GINS3: variants seen among roughly 807,000 people sequenced by gnomAD.
GINS3 encodes GINS complex subunit 3, also known as DNA replication complex GINS protein PSF3.
In GINS3, 18 loss-of-function variants were observed where a neutral mutation model predicts 20.0. The ratio of observed to expected loss-of-function variants is 0.90; its 90% CI spans 0.62 to 1.33. The LOEUF (loss-of-function observed/expected upper bound fraction) is 1.33. Ranked by LOEUF, GINS3 falls within the 40% of genes most tolerant of loss-of-function variation. GINS3 has a pLI of 0.00. For missense variants in GINS3, 254 were observed against 273.6 expected (o/e 0.93, Z 0.51); for synonymous variants, 109 against 107.0 (o/e 1.02, Z -0.12).
chr16:58,396,465 C>T (rs1965861775), intron 1 of GINS3, among the ~76,000 whole-genome samples: 1 of 87,200 alleles, frequency 1.1e-5, no homozygotes, highest in Non-Finnish European at 2.3e-5. Flanking sequence ...GTAGGGGCGG[C>T]CGGGCAGAGG....
At chr16:58,402,898 C>A in intron 1 of GINS3, 200 bp from the exon 2 acceptor site, 1 of 578,734 alleles carries the variant, frequency 1.7e-6, no homozygotes, top group Non-Finnish European at 3.1e-6. Flanking sequence ...AATCCATTTT[C>A]TCTCTCCATT....
At chr16:58,397,027 C>CA (rs1366262078) in intron 1 of GINS3, among the ~76,000 whole-genome samples, 1 of 146,552 alleles carries the variant, frequency 6.8e-6, no homozygotes, top group Non-Finnish European at 1.5e-5. Context: ...CTGACCCCCC[C>CA]ACCTCCCTTC....
intron 1 of GINS3, among the ~76,000 whole-genome samples, chr16:58,396,081 C>CA (rs1965851721): frequency 7.5e-6 from 1 of 133,084 alleles, no homozygotes; most frequent in Admixed American, 7.3e-5. Flanking sequence ...GCTGGCCGGG[C>CA]GGGGGGCTGA....
At chr16:58,403,823 G>C (rs747980425) in intron 2 of GINS3, 17 of 161,528 alleles carry the variant, frequency 1.1e-4, no homozygotes, top group Non-Finnish European at 1.9e-4. Context: ...AAGGGTTCCT[G>C]TTGGAAATAC....
chr16:58,392,863 T>C, intron 1 of GINS3, 76 bp downstream of exon 1: 1 of 1,394,652 alleles, frequency 7.2e-7, no homozygotes, highest in Non-Finnish European at 9.6e-7. Context: ...GGACGCCGCA[T>C]CGGGGCGCGC....
chr16:58,398,270 G>A (rs117811546), intron 1 of GINS3, among the ~76,000 whole-genome samples: 2,023 of 152,078 alleles, frequency 0.013, 10 homozygotes, highest in Non-Finnish European at 0.021. Context: ...CTTTAATTGC[G>A]TTTCATAAGT....
At chr16:58,399,355 C>G (rs1207430875) in intron 1 of GINS3, among the ~76,000 whole-genome samples, 1 of 151,500 alleles carries the variant, frequency 6.6e-6, no homozygotes, top group Non-Finnish European at 1.5e-5. Context: ...CCTGTTTATC[C>G]TTTTACTTCT....
rs183608461 is a variant in GINS3 at position 58,403,101 on chromosome 16, T to G, written c.190T>G (p.Ser64Ala). 74 of 1,613,870 alleles carry G rather than the reference T, an allele frequency of 4.6e-5. No individual in the cohort carries two copies. In the Admixed American group the frequency reaches 5.3e-4, roughly 12 times the overall value. ...TCTACATTCATGCATGCTGCAGGGT[T>G]CCAAGCTTGAACTACCCTTGTGGCT... ...AETDNAVPQG[S>A]KLELPLWLAK... is the part of the protein sequence containing the mutation. The change falls in exon 2 of 3, where the codon TCC (serine) becomes GCC (alanine). Residue 64 changes from serine to alanine, a missense_variant. Physicochemically the swap from Ser to Ala is moderately conservative, Grantham distance 99. Transcript: ENST00000318129.
chr16:58,394,595 A>G (rs1965823587), intron 1 of GINS3, among the ~76,000 whole-genome samples: 1 of 151,828 alleles, frequency 6.6e-6, no homozygotes, highest in Admixed American at 6.6e-5. Context: ...GATCCACCCA[A>G]CTCAGCCTCC....
chr16:58,392,897 C>A, intron 1 of GINS3, 110 bp downstream of exon 1: 2 of 1,213,758 alleles, frequency 1.6e-6, no homozygotes, highest in Non-Finnish European at 2.2e-6. Flanking sequence ...TTGTAGTTTT[C>A]GAGGAGCCAG....
chr16:58,399,818 C>T (rs9935389), intron 1 of GINS3, among the ~76,000 whole-genome samples: 6,767 of 152,046 alleles, frequency 0.045, 155 homozygotes, highest in Middle Eastern at 0.095. Flanking sequence ...ACAATCATTT[C>T]TGACCAAAAA....
chr16:58,395,906 G>T (rs1344884842), intron 1 of GINS3, among the ~76,000 whole-genome samples: 1 of 151,726 alleles, frequency 6.6e-6, no homozygotes, highest in Non-Finnish European at 1.5e-5. Context: ...CAGTAGGGGC[G>T]GCCGGGCAGA....
intron 1 of GINS3, chr16:58,395,165 T>A (rs1276632727): frequency 2.3e-6 from 1 of 433,182 alleles, no homozygotes; most frequent in Non-Finnish European, 4.1e-6. Flanking sequence ...AGCCTTGACC[T>A]CCCAGGCTCC....
In GINS3 at chr16:58,396,558, G is replaced by GT. The variant is rs1965865576; in HGVS notation, c.186+3771_186+3772insT. On this transcript the variant is annotated intron_variant, in intron 1 of 2. Coordinates refer to ENST00000318129, the MANE Select transcript of GINS3 (RefSeq NM_022770.4). ...CCTCCCGGACGGGGCGGCTGGTCGG[G>GT]CGGGGGCTGATCCCCCCCACCTCCC... Among the ~76,000 whole-genome samples, 5 of 1,124 alleles carry GT rather than the reference G, an allele frequency of 4.4e-3. 1 individual carries two copies. The highest frequency in any genetic ancestry group is 0.029 in the African/African-American group (5 of 172). The allele number at this position is 1,124 out of a possible 152,430, so 0.7% of individuals were successfully genotyped here.
In GINS3 at chr16:58,399,396, G is replaced by A. The variant is rs57329362; in HGVS notation, c.187-3702G>A. 4.9e-3 allele frequency among the ~76,000 whole-genome samples: 749 copies of A among 151,810 alleles called. 12 individuals are homozygous for A. The highest frequency in any genetic ancestry group is 0.017 in the African/African-American group (715 of 41,420). ...TTTAGACATATATTAATAATTTTCT[G>A]GTAGATATAATGACCCTTTTATTAT... On this transcript the variant is annotated intron_variant, in intron 1 of 2. Coordinates refer to ENST00000318129, the MANE Select transcript of GINS3 (RefSeq NM_022770.4).
At chr16:58,397,699 C>G (rs537008126) in intron 1 of GINS3, among the ~76,000 whole-genome samples, 2 of 152,104 alleles carry the variant, frequency 1.3e-5, no homozygotes, top group Admixed American at 6.5e-5. Context: ...CACAGGCACT[C>G]GGCAGGCTGA....
At chr16:58,399,846 C>T (rs1032482656) in intron 1 of GINS3, among the ~76,000 whole-genome samples, 1 of 152,248 alleles carries the variant, frequency 6.6e-6, no homozygotes. Context: ...ATATAAGTTA[C>T]TACTTTCACC....
chr16:58,396,258 G>C (rs1251606065), intron 1 of GINS3, among the ~76,000 whole-genome samples: 1 of 126,682 alleles, frequency 7.9e-6, no homozygotes, highest in East Asian at 2.5e-4. Flanking sequence ...CTGGCCGGGT[G>C]GGGGGCTGAC....
intron 1 of GINS3, among the ~76,000 whole-genome samples, chr16:58,397,010 C>CG (rs1188074874): frequency 1.4e-5 from 2 of 140,224 alleles, no homozygotes; most frequent in East Asian, 2.3e-4. Context: ...GCTGGCTGGG[C>CG]GGGGGGCTGA....
Sources: allele counts gnomAD v4.1 joint callset (sites outside exome capture counted in the v4.1 genomes callset), GRCh38; gene constraint gnomAD v4.1.1; transcripts MANE v1.5; gene names NCBI Gene and HGNC (gene_info 2026-07-23, HGNC 2026-07-21).